The following RANBP17 variants were observed in gnomAD, a reference collection of about 807,000 sequenced individuals.
RANBP17 encodes RAN binding protein 17, also known as ran-binding protein 17.
RANBP17 carries 158 observed loss-of-function variants against 141.2 expected under a neutral mutation model. The observed-to-expected ratio is 1.12, with a 90% CI of 0.98 to 1.28. The LOEUF is 1.28. Ranked by LOEUF, RANBP17 falls within the 50% of genes most tolerant of loss-of-function variation. RANBP17 has a pLI of 0.00. For synonymous variants in RANBP17, 430 were observed against 450.0 expected, an observed-to-expected ratio of 0.96 and a Z score of 0.56; for missense variants, 1,438 against 1,290.7, an observed-to-expected ratio of 1.11 and a Z score of -1.75.
intron 25 of RANBP17, among the ~76,000 whole-genome samples, chr5:171,274,074 G>T (rs1178165107): frequency 2.0e-5 from 3 of 151,128 alleles, no homozygotes; most frequent in African/African-American, 7.3e-5. Flanking sequence ...AAAATAGCCA[G>T]GTTTGTTTGA....
intron 24 of RANBP17, among the ~76,000 whole-genome samples, chr5:171,248,464 A>C (rs1482866144): frequency 1.3e-5 from 2 of 152,172 alleles, no homozygotes; most frequent in East Asian, 1.9e-4. Flanking sequence ...GAAAGCCCAG[A>C]GGGGCTCAGT....
rs1188142979 is a variant in RANBP17, at chr5:171,086,132, C to T, written c.1711-83998C>T. Reference sequence around the variant, plus strand: ...AGATAGCTCTTACTATTTTGAGATACGTCCCATCAATACCTAATTTATTGA... The same window carrying T: ...AGATAGCTCTTACTATTTTGAGATATGTCCCATCAATACCTAATTTATTGA... On this transcript the variant is annotated intron_variant, in intron 14 of 27. Transcript: ENST00000523189. Among the ~76,000 whole-genome samples the T allele has an allele frequency of 3.2e-4, 45 of 141,506 alleles. No individual in the cohort carries two copies. In the South Asian group the frequency reaches 0.011, roughly 35 times the overall value. The allele number at this position is 141,506 out of a possible 152,430, so 92.8% of individuals were successfully genotyped here. A position where few individuals can be genotyped will look rare whatever the true frequency, so the allele number is the denominator to read the frequency against.
chr5:171,007,456 G>A (rs1779726619), intron 14 of RANBP17, among the ~76,000 whole-genome samples: 1 of 151,994 alleles, frequency 6.6e-6, no homozygotes. Flanking sequence ...ACTTGAGGAG[G>A]AGCAGTCTGG....
chr5:170,900,645 G>A (rs1026324772), intron 5 of RANBP17, among the ~76,000 whole-genome samples: 2 of 152,246 alleles, frequency 1.3e-5, no homozygotes, highest in African/African-American at 4.8e-5. Flanking sequence ...CTGGTTGTGG[G>A]CATTTAGTGC....
Position 171,126,907 on chromosome 5 carries a change from A to G in RANBP17, c.1711-43223A>G, listed in dbSNP as rs143496764. 3.6e-3 allele frequency among the ~76,000 whole-genome samples: 553 copies of G among 152,324 alleles called. 4 individuals are homozygous for G. The highest frequency in any genetic ancestry group is 0.012 in the African/African-American group (515 of 41,584). On this transcript the variant is annotated intron_variant, in intron 14 of 27. Transcript: ENST00000523189. Reference sequence around the variant, plus strand: ...TTTACCAAACTTATAAAGATGATCTAATATCTCACACCAATGCTTTTCAGA... The same window carrying G: ...TTTACCAAACTTATAAAGATGATCTGATATCTCACACCAATGCTTTTCAGA...
At chr5:171,078,719 G>T (rs547963592) in intron 14 of RANBP17, among the ~76,000 whole-genome samples, 3 of 152,180 alleles carry the variant, frequency 2.0e-5, no homozygotes, top group Non-Finnish European at 4.4e-5. Flanking sequence ...TGGATGACAG[G>T]ACATCTTTTT....
chr5:171,217,269 C>T (rs1313908596), intron 21 of RANBP17, among the ~76,000 whole-genome samples: 1 of 152,148 alleles, frequency 6.6e-6, no homozygotes, highest in African/African-American at 2.4e-5. Flanking sequence ...CCAACTTCAT[C>T]GTAGTGGATA....
At chr5:171,179,624 G>A (rs1017115573) in intron 16 of RANBP17, among the ~76,000 whole-genome samples, 1 of 152,044 alleles carries the variant, frequency 6.6e-6, no homozygotes, top group Non-Finnish European at 1.5e-5. Context: ...TGTACTTAGT[G>A]AATATCATGT....
intron 14 of RANBP17, among the ~76,000 whole-genome samples, chr5:171,094,816 A>G (rs1012997975): frequency 6.6e-6 from 1 of 152,094 alleles, no homozygotes; most frequent in African/African-American, 2.4e-5. Context: ...CATATTGGCA[A>G]GTTTTCAGTA....
chr5:171,031,985 T>C (rs760723702), intron 14 of RANBP17, among the ~76,000 whole-genome samples: 7 of 152,082 alleles, frequency 4.6e-5, no homozygotes, highest in Non-Finnish European at 1.0e-4. Context: ...ACAACTAAAT[T>C]TAGTTGACCG....
At chr5:171,222,396 T>C (rs1295715050) in intron 22 of RANBP17, among the ~76,000 whole-genome samples, 1 of 152,204 alleles carries the variant, frequency 6.6e-6, no homozygotes, top group Non-Finnish European at 1.5e-5. Flanking sequence ...GACACTGTCA[T>C]CAATGAAATT....
At chr5:171,283,115 C>T (rs1304171517) in intron 25 of RANBP17, among the ~76,000 whole-genome samples, 1 of 152,186 alleles carries the variant, frequency 6.6e-6, no homozygotes, top group Non-Finnish European at 1.5e-5. Flanking sequence ...ATGTCACCTT[C>T]TCTATGAAGC....
intron 4 of RANBP17, among the ~76,000 whole-genome samples, chr5:170,895,236 A>G (rs564778725): frequency 2.0e-5 from 3 of 152,322 alleles, no homozygotes; most frequent in Non-Finnish European, 4.4e-5. Flanking sequence ...AGTTAAAAGG[A>G]ATGACCAACT....
intron 14 of RANBP17, among the ~76,000 whole-genome samples, chr5:171,069,175 A>G (rs1784492461): frequency 6.6e-6 from 1 of 152,164 alleles, no homozygotes; most frequent in Non-Finnish European, 1.5e-5. Flanking sequence ...ACTTGAGGGG[A>G]TTGAAACATT....
chr5:171,283,422 T>G (rs1332770928), intron 25 of RANBP17, among the ~76,000 whole-genome samples: 1 of 152,226 alleles, frequency 6.6e-6, no homozygotes, highest in Non-Finnish European at 1.5e-5. Context: ...CCTTGGGCTA[T>G]GTAATTATTA....
At chr5:171,008,826 A>T (rs756079301) in intron 14 of RANBP17, among the ~76,000 whole-genome samples, 14 of 152,258 alleles carry the variant, frequency 9.2e-5, no homozygotes, top group Non-Finnish European at 1.5e-4. Flanking sequence ...GATGGCTTAG[A>T]TTGGGCTCAG....
At position 171,213,672 on chromosome 5, in the gene RANBP17, G is replaced by C. The variant is rs149025321; in HGVS notation, c.2273G>C (p.Arg758Pro). Residue 758 changes from arginine to proline, a missense_variant, in exon 21 of 28, where the codon CGG becomes CCG. By Grantham distance (103) the Arg-to-Pro change is moderately radical. Coordinates refer to ENST00000523189, the MANE Select transcript of RANBP17 (RefSeq NM_022897.5). ...YLPLLQNAVE[R>P]WYGEPTCTTP... ...CCCCTTCTTCAGAATGCTGTTGAAC[G>C]GTGGTATGGAGAGCCAACATGTACA... is the stretch of plus-strand genomic sequence containing the variant. 1 of 1,613,782 alleles carries C rather than the reference G, an allele frequency of 6.2e-7. No homozygotes were observed. The highest frequency in any genetic ancestry group is 8.5e-7 in the Non-Finnish European group (1 of 1,179,780).
chr5:171,042,884 A>C (rs1176652745), intron 14 of RANBP17, among the ~76,000 whole-genome samples: 1 of 152,202 alleles, frequency 6.6e-6, no homozygotes, highest in Non-Finnish European at 1.5e-5. Context: ...ACACTTGGAT[A>C]AATCATTTCA....
intron 14 of RANBP17, among the ~76,000 whole-genome samples, chr5:170,973,098 T>C (rs568703049): frequency 3.3e-5 from 5 of 152,322 alleles, no homozygotes; most frequent in African/African-American, 1.2e-4. Context: ...AAGTAACCAC[T>C]ATGTATTAAT....
Sources: gnomAD v4.1 joint callset for allele counts (sites outside exome capture counted in the v4.1 genomes callset) on GRCh38, gnomAD v4.1.1 for gene constraint, MANE v1.5 for transcripts, NCBI Gene and HGNC (gene_info 2026-07-23, HGNC 2026-07-21) for gene names.